THOP1: variants seen among roughly 807,000 people sequenced by gnomAD.
The protein encoded by THOP1 is thimet oligopeptidase 1.
A neutral mutation model predicts 71.8 loss-of-function variants in THOP1; 49 were observed. The observed-to-expected ratio is 0.68, with a 90% CI of 0.54 to 0.87. The LOEUF (loss-of-function observed/expected upper bound fraction) is 0.87, where lower values mean the gene tolerates loss of function less well. Ranked by LOEUF, THOP1 falls within the 40% of genes least tolerant of loss-of-function variation. THOP1 has a pLI of 0.00. For synonymous variants in THOP1, 426 were observed against 421.5 expected (o/e 1.01, Z -0.13); for missense variants, 843 against 975.6 (o/e 0.86, Z 1.81).
chr19:2,800,625 G>A (rs1916123149), intron 5 of THOP1, among the ~76,000 whole-genome samples: 1 of 152,264 alleles, frequency 6.6e-6, no homozygotes, highest in African/African-American at 2.4e-5. Flanking sequence ...TCACCTGGGC[G>A]TATGTTTCCT....
chr19:2,810,669 G>T lies in THOP1; in HGVS notation c.1672G>T (p.Ala558Ser). The change falls in exon 11 of 13, where the codon GCC becomes TCC. Residue 558 changes from alanine (A) to serine (S), a missense_variant. Ala to Ser is a moderately conservative substitution (Grantham distance 99, BLOSUM62 1). Transcript: ENST00000307741. Reference sequence around the variant, plus strand: ...CTTCAACCTGCGCCAGATCGTCCTCGCCAAGGTGGACCAGGCCCTGCACAC... The same window carrying T: ...CTTCAACCTGCGCCAGATCGTCCTCTCCAAGGTGGACCAGGCCCTGCACAC... ...GLFNLRQIVL[A>S]KVDQALHTQT... The T allele has an allele frequency of 1.9e-6, 3 of 1,561,560 alleles. No individual in the cohort carries two copies. The highest frequency in any genetic ancestry group is 2.6e-6 in the Non-Finnish European group (3 of 1,152,770).
intron 9 of THOP1, 68 bp from the exon 10 acceptor site, chr19:2,810,236 C>T (rs373209827): frequency 6.7e-5 from 103 of 1,544,990 alleles, no homozygotes; most frequent in East Asian, 4.6e-4. Flanking sequence ...GCAGCTGACA[C>T]GGGCCAGGCC....
At chr19:2,790,968 A>C (rs1015628663) in intron 2 of THOP1, among the ~76,000 whole-genome samples, 6 of 152,222 alleles carry the variant, frequency 3.9e-5, no homozygotes, top group African/African-American at 1.4e-4. Context: ...ATGTCTAAAC[A>C]GCACGCCTCT....
At position 2,806,898 on chromosome 19, in the gene THOP1, G is replaced by A; in HGVS notation, c.751-19G>A. The A allele has an allele frequency of 6.2e-7, 1 of 1,613,004 alleles. No homozygotes were observed. Among genetic ancestry groups the A allele is most frequent in the Non-Finnish European group, 8.5e-7 (1 of 1,179,732 alleles). On this transcript the variant is annotated intron_variant, in intron 6 of 12. Transcript: ENST00000307741. ...GGGAGTGGCGCCCCTGGGTGACAGTGTGGTGGTGTCGGTTGCAGGAGAACT... is the reference window on the plus strand; with the variant it reads ...GGGAGTGGCGCCCCTGGGTGACAGTATGGTGGTGTCGGTTGCAGGAGAACT...
chr19:2,795,665 C>T (rs1915996438), intron 3 of THOP1, among the ~76,000 whole-genome samples: 2 of 152,276 alleles, frequency 1.3e-5, no homozygotes, highest in South Asian at 4.1e-4. Flanking sequence ...ATCCTCCCAC[C>T]TCCACTTTCC....
intron 2 of THOP1, among the ~76,000 whole-genome samples, chr19:2,794,077 C>T (rs1915951684): frequency 6.6e-6 from 1 of 151,082 alleles, no homozygotes; most frequent in South Asian, 2.1e-4. Flanking sequence ...TGCAGTGGTA[C>T]CATTTCAACT....
In THOP1 at chr19:2,796,117, G is replaced by T. The variant is rs762063070; in HGVS notation, c.415G>T (p.Ala139Ser). ...VQKDSLRPEA[A>S]RYLERLIKLG... ...GAAGGACTCACTGAGGCCCGAGGCT[G>T]CGCGGTACCTGGAGCGGCTAATCAA... The change falls in exon 4 of 13, where the codon GCG becomes TCG. Residue 139 changes from alanine (A) to serine (S), a missense_variant. Coordinates refer to ENST00000307741, the MANE Select transcript of THOP1 (RefSeq NM_003249.5). 5 of 1,613,976 alleles carry T rather than the reference G, an allele frequency of 3.1e-6. No homozygotes were observed. Among genetic ancestry groups the T allele is most frequent in the Non-Finnish European group, 4.2e-6 (5 of 1,179,994 alleles).
chr19:2,811,772 G>T (rs61579631), intron 12 of THOP1, 38 bp downstream of exon 12: 1 of 1,522,844 alleles, frequency 6.6e-7, no homozygotes, highest in East Asian at 2.3e-5. Context: ...CGTCCTGAAC[G>T]GCAAGGTACG....
chr19:2,794,672 G>A, intron 2 of THOP1, 92 bp from the exon 3 acceptor site: 2 of 1,470,072 alleles, frequency 1.4e-6, no homozygotes, highest in Non-Finnish European at 1.9e-6. Context: ...GGGGGATTCA[G>A]CAGACAGGCC....
Position 2,794,753 on chromosome 19 carries a change from C to A in THOP1, c.230-11C>A, listed in dbSNP as rs781368160. On this transcript the variant is annotated splice_polypyrimidine_tract_variant and intron_variant, in intron 2 of 12. Coordinates refer to ENST00000307741, the MANE Select transcript of THOP1 (RefSeq NM_003249.5). ...TTCTCACACCTGTCTCCCTGGTCTCCCCTGTTTTAGTTCAGAGGAATATCC... is the reference window on the plus strand; with the variant it reads ...TTCTCACACCTGTCTCCCTGGTCTCACCTGTTTTAGTTCAGAGGAATATCC... 2.7e-5 allele frequency: 43 copies of A among 1,607,398 alleles called. No homozygotes were observed. Among genetic ancestry groups the A allele is most frequent in the Middle Eastern group, 1.7e-4 (1 of 6,056 alleles).
At chr19:2,806,741 A>G in intron 6 of THOP1, 176 bp from the exon 7 acceptor site, 2 of 1,108,546 alleles carry the variant, frequency 1.8e-6, no homozygotes, top group Non-Finnish European at 2.6e-6. Flanking sequence ...CCTTGGGATT[A>G]TGATAACGCT....
chr19:2,787,456 C>G (rs1915774346), intron 1 of THOP1, among the ~76,000 whole-genome samples: 1 of 152,204 alleles, frequency 6.6e-6, no homozygotes, highest in Non-Finnish European at 1.5e-5. Flanking sequence ...AATCCTAACT[C>G]CTGCAGGAGA....
rs576991066 is a variant in THOP1, at chr19:2,803,035, C to T, written c.590-1981C>T. 5.2e-4 allele frequency among the ~76,000 whole-genome samples: 78 copies of T among 151,426 alleles called. 2 individuals carry two copies. The highest frequency in any genetic ancestry group is 1.8e-3 in the African/African-American group (72 of 40,754). On this transcript the variant is annotated intron_variant, in intron 5 of 12. Coordinates refer to ENST00000307741, the MANE Select transcript of THOP1 (RefSeq NM_003249.5). ...CTCTGAGCCCGCGCTTACTGTGGGG[C>T]GCGCGGTACCGCAGGCTCGGCCTCT... is the stretch of plus-strand genomic sequence containing the variant.
Position 2,813,399 on chromosome 19 carries a change from G to A in THOP1, c.*123G>A, listed in dbSNP as rs1386814534. Reference sequence around the variant, plus strand: ...GGACTGGCAGGGTGGCTGAGCGGCTGTCTTGCCTCTTGTCATTGTCTGTCC... The same window carrying A: ...GGACTGGCAGGGTGGCTGAGCGGCTATCTTGCCTCTTGTCATTGTCTGTCC... On this transcript the variant is annotated 3_prime_UTR_variant, in exon 13 of 13. Transcript: ENST00000307741. 3 of 1,244,764 alleles carry A rather than the reference G, an allele frequency of 2.4e-6. No homozygotes were observed. The highest frequency in any genetic ancestry group is 2.8e-5 in the Admixed American group (1 of 35,940). 77.1% of individuals were successfully genotyped at this position (1,244,764 alleles called of 1,614,324 possible).
At chr19:2,808,027 C>A in intron 8 of THOP1, 1 of 783,006 alleles carries the variant, frequency 1.3e-6, no homozygotes, top group Non-Finnish European at 2.0e-6. Context: ...GCAGCTCTGC[C>A]CAGGCCGGAG....
rs1043320978 is a variant in THOP1, at chr19:2,790,440, G to A, written c.36G>A (p.Ala12=). 2.2e-5 allele frequency: 34 copies of A among 1,567,096 alleles called. No individual in the cohort carries two copies. Among genetic ancestry groups the A allele is most frequent in the Admixed American group, 3.8e-5 (2 of 53,016 alleles). Residue 12 remains alanine, a synonymous_variant, in exon 2 of 13, where the codon GCG becomes GCA. Transcript: ENST00000307741. The part of the protein sequence containing the change: ...KPPAACAGDM[A]DAASPCSVVN... ...GCGTAGCCTGTGCAGGAGACATGGCGGACGCAGCATCTCCGTGCTCTGTGG... is the reference window on the plus strand; with the variant it reads ...GCGTAGCCTGTGCAGGAGACATGGCAGACGCAGCATCTCCGTGCTCTGTGG...
rs1916587741 is a variant in THOP1, at chr19:2,815,767, G to A, written c.*2491G>A. On this transcript the variant is annotated 3_prime_UTR_variant, in exon 13 of 13. Transcript: ENST00000307741. Reference sequence around the variant, plus strand: ...CTCCTTGGCCCCTTGCTGCTCCCCAGTGGAAAAAAAAGGGGGAAATAAAGA... The same window carrying A: ...CTCCTTGGCCCCTTGCTGCTCCCCAATGGAAAAAAAAGGGGGAAATAAAGA... The A allele has an allele frequency of 1.3e-5, 2 of 151,536 alleles. No individual in the cohort carries two copies. Among genetic ancestry groups the A allele is most frequent in the Admixed American group, 1.3e-4 (2 of 15,256 alleles). The allele number at this position is 151,536 out of a possible 1,614,324, so 9.4% of individuals were successfully genotyped here.
chr19:2,807,195 T>C, intron 7 of THOP1, 143 bp downstream of exon 7: 23 of 1,270,320 alleles, frequency 1.8e-5, no homozygotes, highest in Non-Finnish European at 2.3e-5. Flanking sequence ...GCTCCCTCAC[T>C]CCCCCCGAGG....
Position 2,787,742 on chromosome 19 carries a change from C to T in THOP1, c.16+2064C>T, listed in dbSNP as rs148733868. Among the ~76,000 whole-genome samples the T allele has an allele frequency of 2.6e-4, 40 of 152,268 alleles. 1 individual carries two copies. The South Asian group carries it at 7.0e-3, about 27-fold the overall frequency. ...TTGTGCTACCTCTGGGGACACTGGA[C>T]GGTGTCTGGGGACATTTGTGGTTGT... On this transcript the variant is annotated intron_variant, in intron 1 of 12. Transcript: ENST00000307741.
Sources: gnomAD v4.1 joint callset for allele counts (sites outside exome capture counted in the v4.1 genomes callset) on GRCh38, gnomAD v4.1.1 for gene constraint, MANE v1.5 for transcripts, NCBI Gene and HGNC (gene_info 2026-07-23, HGNC 2026-07-21) for gene names.